Variants in SLC22A24 observed in about 807,000 individuals in gnomAD.
SLC22A24 encodes the protein solute carrier family 22 member 24.
In SLC22A24, 53 loss-of-function variants were observed where a neutral mutation model predicts 49.8. The observed-to-expected ratio is 1.06, with a 90% CI of 0.85 to 1.34. The LOEUF (loss-of-function observed/expected upper bound fraction) is 1.34, where lower values mean the gene tolerates loss of function less well. Ranked by LOEUF, SLC22A24 falls within the 40% of genes most tolerant of loss-of-function variation. The pLI is 0.00. For missense variants in SLC22A24, 786 were observed against 675.9 expected (o/e 1.16, Z -1.81); for synonymous variants, 302 against 256.4 (o/e 1.18, Z -1.70).
chr11:63,121,818 T>A (rs1378158905), intron 2 of SLC22A24, among the ~76,000 whole-genome samples: 1 of 151,914 alleles, frequency 6.6e-6, no homozygotes, highest in African/African-American at 2.4e-5. Flanking sequence ...GTCCCCGGAG[T>A]GTGATGTTCC....
intron 4 of SLC22A24, among the ~76,000 whole-genome samples, chr11:63,114,229 A>G (rs1485645368): frequency 2.6e-5 from 4 of 152,174 alleles, no homozygotes; most frequent in Admixed American, 1.3e-4. Context: ...GTCTTTTCAC[A>G]TAGTCCCATA....
chr11:63,118,130 GA>G, intron 4 of SLC22A24, among the ~76,000 whole-genome samples: 1 of 152,234 alleles, frequency 6.6e-6, no homozygotes, highest in East Asian at 1.9e-4. Context: ...GGAGCCAGCA[GA>G]AAGGTATAAT....
intron 5 of SLC22A24, among the ~76,000 whole-genome samples, chr11:63,096,911 C>T (rs977325403): frequency 2.6e-5 from 4 of 151,944 alleles, no homozygotes; most frequent in Non-Finnish European, 5.9e-5. Flanking sequence ...ATGAATTTAG[C>T]GTTTCTTTCA....
chr11:63,129,519 C>T (rs2087318275), intron 2 of SLC22A24, among the ~76,000 whole-genome samples: 1 of 152,090 alleles, frequency 6.6e-6, no homozygotes, highest in African/African-American at 2.4e-5. Context: ...TGAAGAAAGA[C>T]ATTGGTAGCT....
chr11:63,107,836 G>C (rs908538084), intron 4 of SLC22A24, among the ~76,000 whole-genome samples: 1 of 152,098 alleles, frequency 6.6e-6, no homozygotes, highest in Non-Finnish European at 1.5e-5. Flanking sequence ...ATTTTGGGCT[G>C]AGACAATGGG....
At chr11:63,101,077 C>T (rs1403681475) in intron 5 of SLC22A24, among the ~76,000 whole-genome samples, 1 of 151,968 alleles carries the variant, frequency 6.6e-6, no homozygotes, top group Non-Finnish European at 1.5e-5. Flanking sequence ...AAAGCTTCTG[C>T]ACAGTAAAAG....
At chr11:63,120,161 A>G (rs990456023) in intron 2 of SLC22A24, among the ~76,000 whole-genome samples, 36 of 150,920 alleles carry the variant, frequency 2.4e-4, no homozygotes, top group Admixed American at 1.1e-3. Flanking sequence ...TTTTGTTGCC[A>G]TTGCTTTTGG....
chr11:63,138,150 A>C (rs1226895456), intron 1 of SLC22A24, among the ~76,000 whole-genome samples: 1 of 152,158 alleles, frequency 6.6e-6, no homozygotes, highest in Non-Finnish European at 1.5e-5. Context: ...CTGGTCAGTT[A>C]CAAACTTTGC....
At position 63,118,736 on chromosome 11, in the gene SLC22A24, C is replaced by T. The variant is rs769323502; in HGVS notation, c.830+176G>A. ...ATAATGAATGCAAAGTGCCAGCCTCCCCACATATAGTGTCATCCTATTCCA... is the reference window on the plus strand; with the variant it reads ...ATAATGAATGCAAAGTGCCAGCCTCTCCACATATAGTGTCATCCTATTCCA... On this transcript the variant is annotated intron_variant, in intron 4 of 9. Transcript: ENST00000612278. 40 of 640,650 alleles carry T rather than the reference C, an allele frequency of 6.2e-5. No individual in the cohort carries two copies. The African/African-American group carries it at 7.2e-4, about 12-fold the overall frequency. The allele number at this position is 640,650 out of a possible 1,614,324, so 39.7% of individuals were successfully genotyped here. A position where few individuals can be genotyped will look rare whatever the true frequency, so the allele number is the denominator to read the frequency against.
intron 1 of SLC22A24, among the ~76,000 whole-genome samples, chr11:63,138,641 C>CAAA (rs59726580): frequency 1.6e-5 from 1 of 60,766 alleles, no homozygotes. Context: ...GACTCTGTCT[C>CAAA]AAAAAAAAAA....
At chr11:63,128,878 G>A (rs2087313442) in intron 2 of SLC22A24, among the ~76,000 whole-genome samples, 1 of 152,172 alleles carries the variant, frequency 6.6e-6, no homozygotes, top group Non-Finnish European at 1.5e-5. Flanking sequence ...AGGCACAGCT[G>A]TCTTTTCTTT....
chr11:63,116,086 T>C, intron 4 of SLC22A24: 1 of 376,596 alleles, frequency 2.7e-6, no homozygotes, highest in Non-Finnish European at 4.8e-6. Flanking sequence ...CTCTTTGGGA[T>C]CTTGAGCTTA....
At chr11:63,117,577 T>A (rs2087220601) in intron 4 of SLC22A24, among the ~76,000 whole-genome samples, 1 of 152,128 alleles carries the variant, frequency 6.6e-6, no homozygotes, top group Admixed American at 6.5e-5. Context: ...CAACTCCTCC[T>A]CTTCTTTCCT....
At chr11:63,129,545 T>A (rs1383298602) in intron 2 of SLC22A24, among the ~76,000 whole-genome samples, 2 of 152,214 alleles carry the variant, frequency 1.3e-5, no homozygotes, top group Non-Finnish European at 2.9e-5. Context: ...GGGATGGCAT[T>A]GAATCTATAA....
At chr11:63,131,970 G>C (rs2087339293) in intron 2 of SLC22A24, among the ~76,000 whole-genome samples, 1 of 152,032 alleles carries the variant, frequency 6.6e-6, no homozygotes, top group African/African-American at 2.4e-5. Flanking sequence ...TGACAGCTTT[G>C]TTCATTTCTT....
intron 1 of SLC22A24, among the ~76,000 whole-genome samples, chr11:63,139,570 C>T (rs1415937099): frequency 6.6e-6 from 1 of 152,146 alleles, no homozygotes; most frequent in Non-Finnish European, 1.5e-5. Flanking sequence ...ACATCCCCAA[C>T]CCCCAATGAG....
intron 6 of SLC22A24, among the ~76,000 whole-genome samples, chr11:63,094,070 C>G (rs2087037440): frequency 6.6e-6 from 1 of 151,568 alleles, no homozygotes; most frequent in South Asian, 2.1e-4. Context: ...ATACATGTGC[C>G]ATGTTGGTGT....
chr11:63,118,977 A>G lies in SLC22A24; in HGVS notation c.765T>C (p.Ile255=), dbSNP rs2087231582. ...TCAGTTGCAATATGTGCCAGTCCTG[A>G]ATGGCAAAAGCCAGCCCTCCTAGGA... ...QMLLGGLAFA[I]QDWHILQLTV... The change falls in exon 4 of 10, where the codon ATT becomes ATC. Residue 255 remains isoleucine, a synonymous_variant. Coordinates refer to ENST00000612278, the MANE Select transcript of SLC22A24 (RefSeq NM_001136506.2). 6.4e-7 allele frequency: 1 copy of G among 1,551,874 alleles called. No homozygotes were observed. Among genetic ancestry groups the G allele is most frequent in the Non-Finnish European group, 8.7e-7 (1 of 1,147,032 alleles).
chr11:63,133,621 G>C (rs947790819), intron 2 of SLC22A24, among the ~76,000 whole-genome samples: 1 of 151,898 alleles, frequency 6.6e-6, no homozygotes, highest in East Asian at 1.9e-4. Flanking sequence ...CTCAAGCAAA[G>C]TCATCCTAGG....
Sources: allele counts gnomAD v4.1 joint callset (sites outside exome capture counted in the v4.1 genomes callset), GRCh38; gene constraint gnomAD v4.1.1; transcripts MANE v1.5; gene names NCBI Gene and HGNC (gene_info 2026-07-23, HGNC 2026-07-21).